RPGRIP1L: variants seen among roughly 807,000 people sequenced by gnomAD.
RPGRIP1L encodes the protein RPGRIP1 like.
In RPGRIP1L, 131 loss-of-function variants were observed where a neutral mutation model predicts 160.4. The observed-to-expected ratio is 0.82, with a 90% confidence interval of 0.71 to 0.94. The LOEUF is 0.94. Among genes scored for constraint, RPGRIP1L ranks in the 40% least tolerant of loss-of-function variants. RPGRIP1L has a pLI of 0.00. For missense variants in RPGRIP1L, 1,522 were observed against 1,535.8 expected (o/e 0.99, Z 0.15); for synonymous variants, 510 against 515.8 (o/e 0.99, Z 0.15).
intron 22 of RPGRIP1L, among the ~76,000 whole-genome samples, chr16:53,631,261 C>T (rs956791763): frequency 1.3e-5 from 2 of 152,156 alleles, no homozygotes; most frequent in Admixed American, 6.5e-5. Flanking sequence ...CCTGGGAATG[C>T]CAGCTCATTG....
intron 22 of RPGRIP1L, among the ~76,000 whole-genome samples, chr16:53,622,799 C>CCACACA (rs201959082): frequency 0.033 from 4,545 of 135,832 alleles, 186 homozygotes; most frequent in African/African-American, 0.1. Context: ...AAAACAAAAA[C>CCACACA]CACACACACA....
Position 53,668,289 on chromosome 16 carries a change from G to C in RPGRIP1L, c.1103+3221C>G, listed in dbSNP as rs546937744. 7.2e-5 allele frequency among the ~76,000 whole-genome samples: 11 copies of C among 152,260 alleles called. No homozygotes were observed. In the East Asian group the frequency reaches 1.9e-3, roughly 27 times the overall value. On this transcript the variant is annotated intron_variant, in intron 9 of 26. Coordinates refer to ENST00000647211, the MANE Select transcript of RPGRIP1L (RefSeq NM_015272.5). Reference sequence around the variant, plus strand: ...TCACTTTACAGAAACAGAACACAGAGCATCTATGGGTGTCAGTAGTGCTCT... The same window carrying C: ...TCACTTTACAGAAACAGAACACAGACCATCTATGGGTGTCAGTAGTGCTCT...
chr16:53,687,843 C>T lies in RPGRIP1L; in HGVS notation c.632+20G>A, dbSNP rs756522073. On this transcript the variant is annotated intron_variant, in intron 5 of 26. Coordinates refer to ENST00000647211, the MANE Select transcript of RPGRIP1L (RefSeq NM_015272.5). The stretch of plus-strand genomic sequence containing the variant: ...ATCAATAACCAAAGTTCTCAAATTA[C>T]CACAAAAAAGAACACATACAAATTT... 3.5e-6 allele frequency: 5 copies of T among 1,441,084 alleles called. No individual in the cohort carries two copies. The highest frequency in any genetic ancestry group is 1.4e-5 in the African/African-American group (1 of 71,374). 89.3% of individuals were successfully genotyped at this position (1,441,084 alleles called of 1,614,324 possible).
intron 8 of RPGRIP1L, 47 bp downstream of exon 8, chr16:53,672,823 C>A (rs557464652): frequency 6.4e-7 from 1 of 1,560,190 alleles, no homozygotes; most frequent in Non-Finnish European, 8.8e-7. Flanking sequence ...AAAACAGTTA[C>A]CAAGAAGTTG....
intron 4 of RPGRIP1L, among the ~76,000 whole-genome samples, chr16:53,690,706 A>G (rs1482546103): frequency 1.3e-5 from 2 of 152,154 alleles, no homozygotes; most frequent in Non-Finnish European, 2.9e-5. Flanking sequence ...TGGCAAAACT[A>G]AGGTTCAGAG....
At chr16:53,638,201 T>C in intron 20 of RPGRIP1L, 109 bp downstream of exon 20, 1 of 740,438 alleles carries the variant, frequency 1.4e-6, no homozygotes. Context: ...AAGTCATATA[T>C]AAAAATAGGG....
At chr16:53,640,811 A>G (rs1384035990) in intron 19 of RPGRIP1L, among the ~76,000 whole-genome samples, 1 of 152,154 alleles carries the variant, frequency 6.6e-6, no homozygotes, top group East Asian at 1.9e-4. Context: ...GGATTGGGGC[A>G]GAAGCTAGAG....
chr16:53,638,398 G>A lies in RPGRIP1L; in HGVS notation c.2972C>T (p.Pro991Leu). ...MPHQSDETSP[P>L]PEDRKEISPE... is the part of the protein sequence containing the mutation. ...TGAAATTTCCTTCCTATCTTCAGGA[G>A]GAGGAGAAGTCTCCTTATATTAATG... The change falls in exon 20 of 27, where the codon CCT (proline) becomes CTT (leucine). Residue 991 changes from proline to leucine, a missense_variant. Transcript: ENST00000647211. 6.4e-7 allele frequency: 1 copy of A among 1,558,422 alleles called. No individual in the cohort carries two copies. Among genetic ancestry groups the A allele is most frequent in the East Asian group, 2.3e-5 (1 of 44,424 alleles).
In RPGRIP1L at chr16:53,689,496, G is replaced by A. The variant is rs538027934; in HGVS notation, c.530-1531C>T. 1.8e-3 allele frequency among the ~76,000 whole-genome samples: 267 copies of A among 152,148 alleles called. 2 individuals are homozygous for A. The highest frequency in any genetic ancestry group is 5.5e-3 in the African/African-American group (230 of 41,506). Reference sequence around the variant, plus strand: ...TTTGCTTTACAAAAATCTTTGTTCCGTTGTTTCCTCATAATAAGTATTGTT... The same window carrying A: ...TTTGCTTTACAAAAATCTTTGTTCCATTGTTTCCTCATAATAAGTATTGTT... On this transcript the variant is annotated intron_variant, in intron 4 of 26. Coordinates refer to ENST00000647211, the MANE Select transcript of RPGRIP1L (RefSeq NM_015272.5).
chr16:53,632,753 C>T (rs937065176), intron 22 of RPGRIP1L, among the ~76,000 whole-genome samples: 2 of 152,152 alleles, frequency 1.3e-5, no homozygotes, highest in Non-Finnish European at 2.9e-5. Flanking sequence ...GATTCTCATG[C>T]TTTTCATTCC....
intron 25 of RPGRIP1L, among the ~76,000 whole-genome samples, chr16:53,608,777 A>G (rs921355548): frequency 6.6e-6 from 1 of 152,220 alleles, no homozygotes; most frequent in African/African-American, 2.4e-5. Context: ...CTGAGTATTT[A>G]AAAAAGGTGA....
intron 22 of RPGRIP1L, among the ~76,000 whole-genome samples, chr16:53,622,576 C>A (rs1409503961): frequency 2.0e-5 from 3 of 151,776 alleles, no homozygotes; most frequent in Non-Finnish European, 4.4e-5. Context: ...ATTTTTTTCA[C>A]ACCCACTATA....
intron 8 of RPGRIP1L, among the ~76,000 whole-genome samples, chr16:53,672,395 TA>T (rs1345896813): frequency 1.3e-5 from 2 of 152,082 alleles, no homozygotes; most frequent in Non-Finnish European, 2.9e-5. Flanking sequence ...GGAACAAACT[TA>T]ACAGGCTACA....
At position 53,633,100 on chromosome 16, in the gene RPGRIP1L, C is replaced by T. The variant is rs138167506; in HGVS notation, c.3294+3339G>A. On this transcript the variant is annotated intron_variant, in intron 22 of 26. Transcript: ENST00000647211. ...ATGTACTTAGCACATAACAGGCATT[C>T]AGTAATACATTCCTTCCTATGAAAG... 5.1e-3 allele frequency among the ~76,000 whole-genome samples: 781 copies of T among 152,308 alleles called. 1 individual carries two copies. Among genetic ancestry groups the T allele is most frequent in the Non-Finnish European group, 9.3e-3 (633 of 68,018 alleles).
At position 53,636,439 on chromosome 16, in the gene RPGRIP1L, C is replaced by G; in HGVS notation, c.3294G>C (p.Gln1098His). The G allele has an allele frequency of 6.2e-7, 1 of 1,604,548 alleles. No individual in the cohort carries two copies. The highest frequency in any genetic ancestry group is 8.5e-7 in the Non-Finnish European group (1 of 1,171,612). ...IPGPISKNIK[Q>H]SLALSPGLGC... ...TTCTAGTTGGCATCAAGTTACTGACCTGTTTGATATTCTTGGAGATAGGAC... is the reference window on the plus strand; with the variant it reads ...TTCTAGTTGGCATCAAGTTACTGACGTGTTTGATATTCTTGGAGATAGGAC... The change falls in exon 22 of 27, where the codon CAG (glutamine) becomes CAC (histidine). Residue 1098 changes from glutamine to histidine, a missense_variant and splice_region_variant. Gln to His is a conservative substitution (Grantham distance 24, BLOSUM62 0). Transcript: ENST00000647211.
At position 53,617,073 on chromosome 16, in the gene RPGRIP1L, C is replaced by CAAAAAAAAAAAAAAA. The variant is rs397945611; in HGVS notation, c.3616+1937_3616+1951dup. Among the ~76,000 whole-genome samples, 175 of 21,840 alleles carry CAAAAAAAAAAAAAAA rather than the reference C, an allele frequency of 8.0e-3. 27 individuals are homozygous for CAAAAAAAAAAAAAAA. The highest frequency in any genetic ancestry group is 0.027 in the African/African-American group (75 of 2,750). The allele number at this position is 21,840 out of a possible 152,430, so 14.3% of individuals were successfully genotyped here. On this transcript the variant is annotated intron_variant, in intron 24 of 26. Transcript: ENST00000647211. ...GGCAATAGCACCAGACCTTGCATCACAAAAAAAAAAAAAAAAAAAAAAAAA... is the reference window on the plus strand; with the variant it reads ...GGCAATAGCACCAGACCTTGCATCACAAAAAAAAAAAAAAAAAAAAAAAAAAAAAAAAAAAAAAAA...
chr16:53,610,716 T>C (rs1342395011), intron 25 of RPGRIP1L, among the ~76,000 whole-genome samples: 1 of 152,264 alleles, frequency 6.6e-6, no homozygotes, highest in East Asian at 1.9e-4. Flanking sequence ...GGATACTTTA[T>C]ACATGTTGTC....
rs769217806 is a variant in RPGRIP1L, at chr16:53,687,850, A to G, written c.632+13T>C. On this transcript the variant is annotated intron_variant, in intron 5 of 26. Transcript: ENST00000647211. ...ACCAAAGTTCTCAAATTACCACAAA[A>G]AAGAACACATACAAATTTCTTATTT... The G allele has an allele frequency of 1.9e-5, 28 of 1,510,828 alleles. No homozygotes were observed. Among genetic ancestry groups the G allele is most frequent in the Non-Finnish European group, 2.1e-5 (23 of 1,086,534 alleles). 93.6% of individuals were successfully genotyped at this position (1,510,828 alleles called of 1,614,324 possible). A position where few individuals can be genotyped will look rare whatever the true frequency, so the allele number is the denominator to read the frequency against.
chr16:53,628,118 CTGTGTGTGTGTG>C (rs3035255), intron 22 of RPGRIP1L: 1 of 146,566 alleles, frequency 6.8e-6, no homozygotes, highest in Non-Finnish European at 1.5e-5. Context: ...TATAAAAATA[CTGTGTGTGTGTG>C]TGTGTGTGTG....
Sources: gnomAD v4.1 joint callset for allele counts (sites outside exome capture counted in the v4.1 genomes callset) on GRCh38, gnomAD v4.1.1 for gene constraint, MANE v1.5 for transcripts, NCBI Gene and HGNC (gene_info 2026-07-23, HGNC 2026-07-21) for gene names.